NAA15: variants seen among roughly 807,000 people sequenced by gnomAD.
NAA15 encodes N-terminal acetyltransferase.
In NAA15, 34 loss-of-function variants were observed where a neutral mutation model predicts 114.0. The observed-to-expected ratio is 0.30, with a 90% CI of 0.23 to 0.40. The LOEUF is 0.40. NAA15 is among the 10% of genes least tolerant of loss of function. The pLI is 1.00. For missense variants in NAA15, 658 were observed against 1,004.5 expected (o/e 0.66, Z 4.66); for synonymous variants, 340 against 338.0 (o/e 1.01, Z -0.06).
In NAA15 at chr4:139,391,092, A is replaced by T. The variant is rs543396493; in HGVS notation, c.*3008A>T. The stretch of plus-strand genomic sequence containing the variant: ...GGTATATACTTGTGTCAGATAATTA[A>T]AGCCTTAAATTTTGAAATGAATCTT... On this transcript the variant is annotated 3_prime_UTR_variant, in exon 20 of 20. Coordinates refer to ENST00000296543, the MANE Select transcript of NAA15 (RefSeq NM_057175.5). 1 of 152,220 alleles carries T rather than the reference A, an allele frequency of 6.6e-6. No homozygotes were observed. The highest frequency in any genetic ancestry group is 2.1e-4 in the South Asian group (1 of 4,832). The allele number at this position is 152,220 out of a possible 1,614,324, so 9.4% of individuals were successfully genotyped here.
intron 15 of NAA15, among the ~76,000 whole-genome samples, chr4:139,372,928 C>A (rs1333188663): frequency 6.6e-6 from 1 of 151,826 alleles, no homozygotes; most frequent in African/African-American, 2.4e-5. Flanking sequence ...GCTCTGTCAC[C>A]CAGGCTAGAG....
At chr4:139,316,694 G>A (rs1579086898) in intron 1 of NAA15, among the ~76,000 whole-genome samples, 1 of 151,916 alleles carries the variant, frequency 6.6e-6, no homozygotes, top group South Asian at 2.1e-4. Context: ...GGTTGTTTGT[G>A]CCAGATTTTA....
chr4:139,390,077 T>C lies in NAA15; in HGVS notation c.*1993T>C, dbSNP rs1749014859. 6.6e-6 allele frequency: 1 copy of C among 152,484 alleles called. No individual in the cohort carries two copies. The highest frequency in any genetic ancestry group is 1.5e-5 in the Non-Finnish European group (1 of 68,008). The allele number at this position is 152,484 out of a possible 1,614,324, so 9.4% of individuals were successfully genotyped here. Reference sequence around the variant, plus strand: ...GAGGTACCAGCCATATAATAGGGGGTGTATGTGTGAATTTTGTTTAAACTC... The same window carrying C: ...GAGGTACCAGCCATATAATAGGGGGCGTATGTGTGAATTTTGTTTAAACTC... On this transcript the variant is annotated 3_prime_UTR_variant, in exon 20 of 20. Coordinates refer to ENST00000296543, the MANE Select transcript of NAA15 (RefSeq NM_057175.5).
intron 1 of NAA15, among the ~76,000 whole-genome samples, chr4:139,328,275 T>G (rs1746873905): frequency 6.6e-6 from 1 of 151,980 alleles, no homozygotes; most frequent in South Asian, 2.1e-4. Flanking sequence ...GGCACGATCT[T>G]GGCTAACTTC....
chr4:139,307,393 C>A (rs1017104006), intron 1 of NAA15, among the ~76,000 whole-genome samples: 1 of 152,134 alleles, frequency 6.6e-6, no homozygotes, highest in Non-Finnish European at 1.5e-5. Context: ...CTCAGTCTCC[C>A]GAGTAGCTGC....
intron 15 of NAA15, among the ~76,000 whole-genome samples, chr4:139,375,637 T>TTA (rs1748561037): frequency 6.6e-6 from 1 of 152,050 alleles, no homozygotes; most frequent in African/African-American, 2.4e-5. Context: ...ATCCAGATGT[T>TTA]TAGTGCCCTT....
chr4:139,344,769 C>CTG (rs1230954020), intron 6 of NAA15, among the ~76,000 whole-genome samples: 2 of 151,962 alleles, frequency 1.3e-5, no homozygotes, highest in Non-Finnish European at 2.9e-5. Flanking sequence ...TACTAAAATA[C>CTG]ATATAGGATA....
rs2110872566 is a variant in NAA15 at position 139,324,429 on chromosome 4, A to T, written c.55-9745A>T. Among the ~76,000 whole-genome samples the T allele has an allele frequency of 2.0e-5, 3 of 152,324 alleles. No individual in the cohort carries two copies. The South Asian group carries it at 6.2e-4, about 32-fold the overall frequency. ...GTTTTGAAATTTCAAGAACTCCCCAAACACAAGAGTTTCAGATGAGGGAAT... is the reference window on the plus strand; with the variant it reads ...GTTTTGAAATTTCAAGAACTCCCCATACACAAGAGTTTCAGATGAGGGAAT... On this transcript the variant is annotated intron_variant, in intron 1 of 19. Transcript: ENST00000296543.
chr4:139,371,891 CTTCATGTT>C (rs538109091), intron 15 of NAA15, among the ~76,000 whole-genome samples: 1 of 152,128 alleles, frequency 6.6e-6, no homozygotes, highest in South Asian at 2.1e-4. Flanking sequence ...CATTATAACT[CTTCATGTT>C]TTCATGTATT....
intron 1 of NAA15, among the ~76,000 whole-genome samples, chr4:139,331,662 AC>A (rs1747005775): frequency 7.1e-6 from 1 of 140,220 alleles, no homozygotes; most frequent in Non-Finnish European, 1.5e-5. Context: ...AAAGAGTTTC[AC>A]CACGTTGGTC....
rs543701180 is a variant in NAA15, at chr4:139,333,797, G to T, written c.55-377G>T. ...TGCCTGTAGTCCCAGCTACTTGGGA[G>T]GCTGAGATAGAAGTATTCCTTGGGC... On this transcript the variant is annotated intron_variant, in intron 1 of 19. Transcript: ENST00000296543. Among the ~76,000 whole-genome samples the T allele has an allele frequency of 4.4e-4, 67 of 152,050 alleles. 1 individual carries two copies. Among genetic ancestry groups the T allele is most frequent in the African/African-American group, 1.6e-3 (66 of 41,472 alleles).
chr4:139,306,877 G>A (rs909976467), intron 1 of NAA15, among the ~76,000 whole-genome samples: 18 of 152,292 alleles, frequency 1.2e-4, no homozygotes, highest in Non-Finnish European at 2.1e-4. Flanking sequence ...TCAAGTATTG[G>A]TAGGTTGGTT....
chr4:139,384,496 T>C (rs1748837547), intron 17 of NAA15, among the ~76,000 whole-genome samples: 1 of 151,570 alleles, frequency 6.6e-6, no homozygotes, highest in Non-Finnish European at 1.5e-5. Flanking sequence ...TCAGTCAGTT[T>C]ATATAGGTAA....
At chr4:139,330,474 A>G (rs1220402327) in intron 1 of NAA15, among the ~76,000 whole-genome samples, 1 of 152,212 alleles carries the variant, frequency 6.6e-6, no homozygotes, top group Non-Finnish European at 1.5e-5. Context: ...GTGGGAGACA[A>G]AGAAAATATT....
At chr4:139,314,234 G>T (rs538597063) in intron 1 of NAA15, among the ~76,000 whole-genome samples, 6 of 151,800 alleles carry the variant, frequency 4.0e-5, no homozygotes, top group Admixed American at 2.6e-4. Flanking sequence ...GATGGGTGTG[G>T]TTCATTGTGG....
rs574878648 is a variant in NAA15 at position 139,380,266 on chromosome 4, G to A, written c.2155+1412G>A. Among the ~76,000 whole-genome samples the A allele has an allele frequency of 6.0e-5, 9 of 149,690 alleles. No homozygotes were observed. In the South Asian group the frequency reaches 1.5e-3, roughly 25 times the overall value. ...TTTCTCTTTAGTTTTTTTGGGGGGG[G>A]GGAGTATGAAAAATAACTTTGCAAT... On this transcript the variant is annotated intron_variant, in intron 17 of 19. Coordinates refer to ENST00000296543, the MANE Select transcript of NAA15 (RefSeq NM_057175.5).
intron 1 of NAA15, among the ~76,000 whole-genome samples, chr4:139,325,829 T>C (rs1746783112): frequency 6.6e-6 from 1 of 151,852 alleles, no homozygotes; most frequent in Non-Finnish European, 1.5e-5. Context: ...AATTTTTTTG[T>C]AGAGACAGTG....
Position 139,391,243 on chromosome 4 carries a change from GAACTC to G in NAA15, c.*3160_*3164del, listed in dbSNP as rs1749050082. 1 of 152,140 alleles carries G rather than the reference GAACTC, an allele frequency of 6.6e-6. No homozygotes were observed. The highest frequency in any genetic ancestry group is 1.5e-5 in the Non-Finnish European group (1 of 68,030). The allele number at this position is 152,140 out of a possible 1,614,324, so 9.4% of individuals were successfully genotyped here. ...ATTCTGCTATCATCTAAACTTTGCTGAACTCTACTGCCAACCTACATTAAAAACAA... is the reference window on the plus strand; with the variant it reads ...ATTCTGCTATCATCTAAACTTTGCTGTACTGCCAACCTACATTAAAAACAA... On this transcript the variant is annotated 3_prime_UTR_variant, in exon 20 of 20. Coordinates refer to ENST00000296543, the MANE Select transcript of NAA15 (RefSeq NM_057175.5).
intron 1 of NAA15, among the ~76,000 whole-genome samples, chr4:139,331,498 G>A (rs1746997857): frequency 2.7e-5 from 4 of 150,024 alleles, no homozygotes; most frequent in Non-Finnish European, 4.4e-5. Flanking sequence ...CCAGGCTGTA[G>A]TGCAGTGGCA....
Sources: gnomAD v4.1 joint callset for allele counts (sites outside exome capture counted in the v4.1 genomes callset) on GRCh38, gnomAD v4.1.1 for gene constraint, MANE v1.5 for transcripts, NCBI Gene and HGNC (gene_info 2026-07-23, HGNC 2026-07-21) for gene names.